SCLT1: variants seen among roughly 807,000 people sequenced by gnomAD.
SCLT1 encodes the protein sodium channel and clathrin linker 1, also known as sodium channel-associated protein 1.
In SCLT1, 78 loss-of-function variants were observed where a neutral mutation model predicts 112.8. The observed-to-expected ratio is 0.69, with a 90% CI of 0.58 to 0.83. The LOEUF is 0.83. SCLT1 is among the 40% of genes least tolerant of loss of function. The pLI, the probability that SCLT1 is intolerant of heterozygous loss-of-function variation, is 0.00. For missense variants in SCLT1, 747 were observed against 770.4 expected, an observed-to-expected ratio of 0.97 and a Z score of 0.36; for synonymous variants, 257 against 254.7, an observed-to-expected ratio of 1.01 and a Z score of -0.09.
chr4:129,039,384 G>A, intron 4 of SCLT1: 1 of 272,702 alleles, frequency 3.7e-6, no homozygotes, highest in Non-Finnish European at 6.9e-6. Flanking sequence ...AAAAACAGAT[G>A]AAAGATATTC....
At chr4:128,935,763 C>T (rs1288798431) in intron 18 of SCLT1, among the ~76,000 whole-genome samples, 1 of 151,904 alleles carries the variant, frequency 6.6e-6, no homozygotes, top group Non-Finnish European at 1.5e-5. Flanking sequence ...AATAATTTTC[C>T]TAAACTTTAC....
At chr4:128,939,680 G>A (rs1254879182) in intron 17 of SCLT1, among the ~76,000 whole-genome samples, 2 of 152,188 alleles carry the variant, frequency 1.3e-5, no homozygotes, top group Admixed American at 6.5e-5. Flanking sequence ...CTGGCAAAAG[G>A]AGTGGTTAGA....
intron 6 of SCLT1, among the ~76,000 whole-genome samples, chr4:129,000,544 C>T (rs967005705): frequency 1.3e-5 from 2 of 151,858 alleles, no homozygotes; most frequent in African/African-American, 2.4e-5. Flanking sequence ...CGCCTTTTTA[C>T]TCTCATCCTC....
intron 3 of SCLT1, among the ~76,000 whole-genome samples, chr4:128,878,858 A>G (rs760506452): frequency 1.3e-5 from 2 of 152,130 alleles, no homozygotes; most frequent in Non-Finnish European, 2.9e-5. Flanking sequence ...AAAATTTACC[A>G]AATCCCACTA....
At chr4:129,092,957 T>A (rs1274315523) in intron 1 of SCLT1, 113 bp downstream of exon 1, 6 of 819,056 alleles carry the variant, frequency 7.3e-6, no homozygotes, top group Non-Finnish European at 1.3e-5. Context: ...AACTAACTTC[T>A]TTAACTCTTT....
intron 5 of SCLT1, among the ~76,000 whole-genome samples, chr4:129,013,008 G>A (rs761846588): frequency 6.6e-6 from 1 of 151,884 alleles, no homozygotes; most frequent in Non-Finnish European, 1.5e-5. Flanking sequence ...TTTTATTTTA[G>A]TTTTGGGGTA....
At chr4:129,046,046 T>G (rs140087418) in intron 2 of SCLT1, among the ~76,000 whole-genome samples, 15 of 152,284 alleles carry the variant, frequency 9.9e-5, no homozygotes, top group African/African-American at 3.1e-4. Context: ...ATCAATACTG[T>G]TTTTATTCAA....
At chr4:128,919,465 T>C (rs1405133658) in intron 18 of SCLT1, among the ~76,000 whole-genome samples, 1 of 152,010 alleles carries the variant, frequency 6.6e-6, no homozygotes, top group Non-Finnish European at 1.5e-5. Context: ...CTCAAAAAGT[T>C]AGAAAGACCT....
At chr4:128,902,382 T>C (rs1479502340) in intron 18 of SCLT1, among the ~76,000 whole-genome samples, 1 of 152,234 alleles carries the variant, frequency 6.6e-6, no homozygotes, top group Non-Finnish European at 1.5e-5. Flanking sequence ...TGGTAACGTC[T>C]ACTACACACC....
intron 2 of SCLT1, among the ~76,000 whole-genome samples, chr4:129,046,536 T>C (rs1180255350): frequency 1.3e-5 from 2 of 152,158 alleles, no homozygotes; most frequent in African/African-American, 4.8e-5. Flanking sequence ...TGACATATAC[T>C]ATTTCACTTT....
chr4:128,914,665 G>T (rs150255552), intron 18 of SCLT1, among the ~76,000 whole-genome samples: 1 of 152,210 alleles, frequency 6.6e-6, no homozygotes, highest in African/African-American at 2.4e-5. Flanking sequence ...ATATCTGAAA[G>T]CTGACTATAG....
intron 18 of SCLT1, among the ~76,000 whole-genome samples, chr4:128,911,173 G>A (rs1735067247): frequency 1.3e-5 from 2 of 152,140 alleles, no homozygotes; most frequent in African/African-American, 4.8e-5. Context: ...GGCTAAGGCA[G>A]GAGAATCGCT....
chr4:129,073,415 G>A (rs1332892293), intron 2 of SCLT1, among the ~76,000 whole-genome samples: 2 of 152,094 alleles, frequency 1.3e-5, no homozygotes, highest in African/African-American at 4.8e-5. Flanking sequence ...TACTTCTCAA[G>A]TTTCTTAGGA....
chr4:128,992,885 A>G (rs1407698928), intron 8 of SCLT1, among the ~76,000 whole-genome samples: 3 of 151,968 alleles, frequency 2.0e-5, no homozygotes, highest in Non-Finnish European at 4.4e-5. Context: ...AACTTTTCCT[A>G]AGGGAATTGA....
intron 18 of SCLT1, among the ~76,000 whole-genome samples, chr4:128,914,088 G>A (rs779573823): frequency 9.9e-5 from 15 of 152,130 alleles, no homozygotes; most frequent in African/African-American, 2.7e-4. Flanking sequence ...TAATATTGCC[G>A]GGCGCGGTGG....
intron 18 of SCLT1, among the ~76,000 whole-genome samples, chr4:128,929,850 G>T (rs1736615932): frequency 6.6e-6 from 1 of 152,142 alleles, no homozygotes; most frequent in Non-Finnish European, 1.5e-5. Flanking sequence ...TCTATTCATG[G>T]TGTTATAACA....
At chr4:128,910,815 C>G (rs1366602285) in intron 18 of SCLT1, among the ~76,000 whole-genome samples, 7 of 152,080 alleles carry the variant, frequency 4.6e-5, no homozygotes, top group Non-Finnish European at 1.0e-4. Flanking sequence ...CCACCATTAT[C>G]ATAACCAAAA....
At chr4:128,907,760 A>T (rs1734797481) in intron 18 of SCLT1, among the ~76,000 whole-genome samples, 1 of 152,150 alleles carries the variant, frequency 6.6e-6, no homozygotes, top group South Asian at 2.1e-4. Context: ...AAGAGTTTCC[A>T]CACTAATTGT....
chr4:128,904,711 C>G (rs1262673150), intron 18 of SCLT1, among the ~76,000 whole-genome samples: 2 of 152,052 alleles, frequency 1.3e-5, no homozygotes, highest in Non-Finnish European at 2.9e-5. Flanking sequence ...ATATTAAGAT[C>G]TAAAAGGCAA....
Sources: allele counts gnomAD v4.1 joint callset (sites outside exome capture counted in the v4.1 genomes callset), GRCh38; gene constraint gnomAD v4.1.1; transcripts MANE v1.5; gene names NCBI Gene and HGNC (gene_info 2026-07-23, HGNC 2026-07-21).